Variants in TMEM80 observed in about 807,000 individuals in gnomAD.
TMEM80 encodes transmembrane protein 80.
A neutral mutation model predicts 13.6 loss-of-function variants in TMEM80; 16 were observed. That is an observed-to-expected ratio of 1.17 (90% CI 0.79 to 1.78). The LOEUF is 1.78. Ranked by LOEUF, TMEM80 falls within the 40% of genes most tolerant of loss-of-function variation. The pLI, the probability that TMEM80 is intolerant of heterozygous loss-of-function variation, is 0.00. For synonymous variants in TMEM80, 92 were observed against 89.5 expected (o/e 1.03, Z -0.16); for missense variants, 167 against 184.6 (o/e 0.90, Z 0.55).
Position 695,866 on chromosome 11 carries a change from G to T in TMEM80, c.19+20G>T. 8.2e-7 allele frequency: 1 copy of T among 1,226,702 alleles called. No homozygotes were observed. Among genetic ancestry groups the T allele is most frequent in the Non-Finnish European group, 1.0e-6 (1 of 983,442 alleles). 76.0% of individuals were successfully genotyped at this position (1,226,702 alleles called of 1,614,324 possible). A position where few individuals can be genotyped will look rare whatever the true frequency, so the allele number is the denominator to read the frequency against. ...GGCGAGGTGAGCTCGGGCGGGGTGGGGGCTTCCGGGCTTGCAGCGGCGGGC... is the reference window on the plus strand; with the variant it reads ...GGCGAGGTGAGCTCGGGCGGGGTGGTGGCTTCCGGGCTTGCAGCGGCGGGC... On this transcript the variant is annotated intron_variant, in intron 1 of 4. Coordinates refer to ENST00000397510, the MANE Select transcript of TMEM80 (RefSeq NM_001042463.3).
intron 4 of TMEM80, chr11:700,942 G>A (rs1343729830): frequency 3.5e-6 from 2 of 576,042 alleles, no homozygotes; most frequent in Non-Finnish European, 3.1e-6. Flanking sequence ...GTGTTTGGAA[G>A]CATGTCTTGT....
At position 703,515 on chromosome 11, in the gene TMEM80, A is replaced by G; in HGVS notation, c.*365A>G. 1.6e-6 allele frequency: 2 copies of G among 1,238,886 alleles called. No homozygotes were observed. The highest frequency in any genetic ancestry group is 3.9e-5 in the South Asian group (1 of 25,420). The allele number at this position is 1,238,886 out of a possible 1,614,324, so 76.7% of individuals were successfully genotyped here. A position where few individuals can be genotyped will look rare whatever the true frequency, so the allele number is the denominator to read the frequency against. The stretch of plus-strand genomic sequence containing the variant: ...GGGAGGACAGAGCCCTTCAGAACAG[A>G]GGCCTCATCTCACTGCATCCCCCAT... On this transcript the variant is annotated 3_prime_UTR_variant, in exon 5 of 5. Transcript: ENST00000397510.
Position 703,596 on chromosome 11 carries a change from G to T in TMEM80, c.*446G>T, listed in dbSNP as rs1319213023. On this transcript the variant is annotated 3_prime_UTR_variant, in exon 5 of 5. Transcript: ENST00000397510. Reference sequence around the variant, plus strand: ...GTGTTCTGAGATCCCAGTTTACTCCGTGGCCAGGCCCCACCTGTGTTTCCA... The same window carrying T: ...GTGTTCTGAGATCCCAGTTTACTCCTTGGCCAGGCCCCACCTGTGTTTCCA... The T allele has an allele frequency of 6.5e-6, 8 of 1,232,888 alleles. No individual in the cohort carries two copies. The highest frequency in any genetic ancestry group is 6.1e-6 in the Non-Finnish European group (6 of 988,786). The allele number at this position is 1,232,888 out of a possible 1,614,324, so 76.4% of individuals were successfully genotyped here. A position where few individuals can be genotyped will look rare whatever the true frequency, so the allele number is the denominator to read the frequency against.
At chr11:701,820 C>A (rs1442619153) in intron 4 of TMEM80, among the ~76,000 whole-genome samples, 1 of 152,158 alleles carries the variant, frequency 6.6e-6, no homozygotes, top group East Asian at 1.9e-4. Flanking sequence ...TTTTTAACCA[C>A]ACAATTTGTT....
chr11:703,659 C>T lies in TMEM80; in HGVS notation c.*509C>T, dbSNP rs1000101704. ...GACGCAGGATGGGGTAGGCCTTGTG[C>T]TCTGAGCAACCCCAGCTCTGCCTCA... On this transcript the variant is annotated 3_prime_UTR_variant, in exon 5 of 5. Transcript: ENST00000397510. 5 of 1,232,524 alleles carry T rather than the reference C, an allele frequency of 4.1e-6. No homozygotes were observed. In the African/African-American group the frequency reaches 6.2e-5, roughly 15 times the overall value. The allele number at this position is 1,232,524 out of a possible 1,614,324, so 76.3% of individuals were successfully genotyped here. A position where few individuals can be genotyped will look rare whatever the true frequency, so the allele number is the denominator to read the frequency against.
intron 1 of TMEM80, among the ~76,000 whole-genome samples, chr11:698,604 A>C (rs986762068): frequency 1.6e-4 from 25 of 152,142 alleles, no homozygotes; most frequent in African/African-American, 6.0e-4. Flanking sequence ...GGTCTGGCCC[A>C]GGTTCACTTC....
Position 703,588 on chromosome 11 carries a change from T to C in TMEM80, c.*438T>C, listed in dbSNP as rs1861597165. 1 of 1,233,266 alleles carries C rather than the reference T, an allele frequency of 8.1e-7. No individual in the cohort carries two copies. Among genetic ancestry groups the C allele is most frequent in the Admixed American group, 4.2e-5 (1 of 23,776 alleles). The allele number at this position is 1,233,266 out of a possible 1,614,324, so 76.4% of individuals were successfully genotyped here. On this transcript the variant is annotated 3_prime_UTR_variant, in exon 5 of 5. Transcript: ENST00000397510. ...CCTAATTTGTGTTCTGAGATCCCAG[T>C]TTACTCCGTGGCCAGGCCCCACCTG...
At position 703,085 on chromosome 11, in the gene TMEM80, C is replaced by T; in HGVS notation, c.367C>T (p.Leu123Phe). Residue 123 changes from leucine to phenylalanine, a missense_variant, in exon 5 of 5, where the codon CTC becomes TTC. Transcript: ENST00000397510. ...GGCGGACTGGGCCCTCAGCGCCACG[C>T]TCCTGGCCCTTCACGGCCTGGAGGC... is the stretch of plus-strand genomic sequence containing the variant. ...LWADWALSAT[L>F]LALHGLEAVL... 6.2e-7 allele frequency: 1 copy of T among 1,612,242 alleles called. No homozygotes were observed. Among genetic ancestry groups the T allele is most frequent in the Non-Finnish European group, 8.5e-7 (1 of 1,179,408 alleles).
chr11:701,549 T>C (rs1274277736), intron 4 of TMEM80, among the ~76,000 whole-genome samples: 2 of 151,808 alleles, frequency 1.3e-5, no homozygotes, highest in East Asian at 3.9e-4. Flanking sequence ...TAACTGGGAC[T>C]ACAGGTGCCC....
chr11:702,265 C>CTA (rs1861532690), intron 4 of TMEM80, among the ~76,000 whole-genome samples: 1 of 152,248 alleles, frequency 6.6e-6, no homozygotes, highest in Admixed American at 6.5e-5. Context: ...CCCAGAACCT[C>CTA]TAGAGCTTGC....
At chr11:702,387 G>C (rs948141133) in intron 4 of TMEM80, among the ~76,000 whole-genome samples, 4 of 152,226 alleles carry the variant, frequency 2.6e-5, no homozygotes, top group Admixed American at 6.5e-5. Flanking sequence ...GGGACAGGGT[G>C]TGGCCTGGCC....
rs116276623 is a variant in TMEM80 at position 698,159 on chromosome 11, T to C, written c.20-710T>C. On this transcript the variant is annotated intron_variant, in intron 1 of 4. Transcript: ENST00000397510. ...GACGTGCACATATCACACGTGCAAC[T>C]GGCCTGAGCCCTTTTCAGACAATTA... 9.6e-3 allele frequency among the ~76,000 whole-genome samples: 1,463 copies of C among 152,352 alleles called. 20 individuals carry two copies. The highest frequency in any genetic ancestry group is 0.033 in the African/African-American group (1,358 of 41,584).
chr11:703,124 G>T lies in TMEM80; in HGVS notation c.406G>T (p.Val136Phe). ...LHGLEAVLQV[V>F]AIAAFTR ...CGGCCTGGAGGCCGTCCTGCAGGTG[G>T]TTGCCATCGCGGCCTTCACCAGGTA... Residue 136 changes from valine to phenylalanine, a missense_variant, in exon 5 of 5, where the codon GTT becomes TTT. Transcript: ENST00000397510. 1.2e-6 allele frequency: 2 copies of T among 1,609,110 alleles called. No homozygotes were observed. The highest frequency in any genetic ancestry group is 1.7e-6 in the Non-Finnish European group (2 of 1,177,248).
At chr11:695,881 C>T in intron 1 of TMEM80, 35 bp downstream of exon 1, 1 of 1,219,134 alleles carries the variant, frequency 8.2e-7, no homozygotes, top group African/African-American at 1.6e-5. Flanking sequence ...TCCGGGCTTG[C>T]AGCGGCGGGC....
At chr11:700,773 C>G in intron 4 of TMEM80, 66 bp downstream of exon 4, 1 of 1,401,552 alleles carries the variant, frequency 7.1e-7, no homozygotes, top group Non-Finnish European at 1.0e-6. Context: ...CACAGCCTTT[C>G]AAGAGTAATT....
chr11:703,913 T>G lies in TMEM80; in HGVS notation c.*763T>G. 8.1e-7 allele frequency: 1 copy of G among 1,241,984 alleles called. No individual in the cohort carries two copies. The allele number at this position is 1,241,984 out of a possible 1,614,324, so 76.9% of individuals were successfully genotyped here. A position where few individuals can be genotyped will look rare whatever the true frequency, so the allele number is the denominator to read the frequency against. On this transcript the variant is annotated 3_prime_UTR_variant, in exon 5 of 5. Coordinates refer to ENST00000397510, the MANE Select transcript of TMEM80 (RefSeq NM_001042463.3). ...CTCCAGTTTTATCAGCTTTTGCCTTTTGCACGGAGTGCTAAACAAATTCTA... is the reference window on the plus strand; with the variant it reads ...CTCCAGTTTTATCAGCTTTTGCCTTGTGCACGGAGTGCTAAACAAATTCTA...
chr11:697,433 C>T (rs533393392), intron 1 of TMEM80: 11 of 152,312 alleles, frequency 7.2e-5, no homozygotes, highest in Admixed American at 3.3e-4. Context: ...GCCAAGGCTA[C>T]GTTCGGTCAG....
downstream of TMEM80, chr11:704,133 T>C: frequency 8.9e-7 from 1 of 1,127,536 alleles, no homozygotes; most frequent in South Asian, 2.1e-5. Context: ...CCCTGAATTC[T>C]CCTAATTATG....
In TMEM80 at chr11:704,044, T is replaced by C; in HGVS notation, c.*894T>C. ...TCACTTGATTCTATTGTGTGTTTTCTATGTTTGGAATAATTACACCCAAAT... is the reference window on the plus strand; with the variant it reads ...TCACTTGATTCTATTGTGTGTTTTCCATGTTTGGAATAATTACACCCAAAT... On this transcript the variant is annotated 3_prime_UTR_variant, in exon 5 of 5. Transcript: ENST00000397510. 8.5e-7 allele frequency: 1 copy of C among 1,173,896 alleles called. No individual in the cohort carries two copies. The highest frequency in any genetic ancestry group is 1.1e-6 in the Non-Finnish European group (1 of 949,300). 72.7% of individuals were successfully genotyped at this position (1,173,896 alleles called of 1,614,324 possible).
Sources: allele counts gnomAD v4.1 joint callset (sites outside exome capture counted in the v4.1 genomes callset), GRCh38; gene constraint gnomAD v4.1.1; transcripts MANE v1.5; gene names NCBI Gene and HGNC (gene_info 2026-07-23, HGNC 2026-07-21).